MUC4: variants seen among roughly 807,000 people sequenced by gnomAD.
The protein encoded by MUC4 is mucin 4, cell surface associated, also known as mucin-4.
Under a neutral mutation model 257.9 loss-of-function variants are expected in MUC4, and 202 were observed. The observed-to-expected ratio is 0.78, with a 90% CI of 0.70 to 0.88. The LOEUF (loss-of-function observed/expected upper bound fraction) is 0.88. Among genes scored for constraint, MUC4 ranks in the 40% least tolerant of loss-of-function variants. The pLI is 0.00. For synonymous variants in MUC4, 2,351 were observed against 2,757.1 expected (o/e 0.85, Z 4.62); for missense variants, 5,976 against 6,513.7 (o/e 0.92, Z 2.84).
At chr3:195,778,084 A>G (rs1725403478) in intron 3 of MUC4, among the ~76,000 whole-genome samples, 1 of 152,204 alleles carries the variant, frequency 6.6e-6, no homozygotes, top group Non-Finnish European at 1.5e-5. Context: ...CCGTCCATCT[A>G]TCCCTTGCTG....
At chr3:195,748,669 C>T (rs1395771391) in intron 24 of MUC4, among the ~76,000 whole-genome samples, 3 of 152,290 alleles carry the variant, frequency 2.0e-5, no homozygotes, top group African/African-American at 7.2e-5. Context: ...GCAGTTTTCT[C>T]ATCTTCGAAA....
chr3:195,801,871 C>T (rs1443960195), intron 1 of MUC4, among the ~76,000 whole-genome samples: 3 of 152,066 alleles, frequency 2.0e-5, no homozygotes, highest in African/African-American at 7.2e-5. Flanking sequence ...GCCTCACCCT[C>T]ATTGAAGCTG....
intron 3 of MUC4, among the ~76,000 whole-genome samples, chr3:195,777,628 A>G (rs1454909036): frequency 4.6e-4 from 37 of 79,978 alleles, no homozygotes; most frequent in South Asian, 8.1e-4. Context: ...TACCTTCCAC[A>G]CCCATACCTT....
rs565407288 is a variant in MUC4, at chr3:195,789,670, C to G, written c.1910G>C (p.Arg637Thr). The G allele has an allele frequency of 3.2e-5, 51 of 1,613,796 alleles. 1 individual carries two copies. Among genetic ancestry groups the G allele is most frequent in the Non-Finnish European group, 2.7e-5 (32 of 1,179,882 alleles). The change falls in exon 2 of 25, where the codon AGG becomes ACG. Residue 637 changes from arginine (R) to threonine (T), a missense_variant. Arg to Thr is a moderately conservative substitution (Grantham distance 71). Coordinates refer to ENST00000463781, the MANE Select transcript of MUC4 (RefSeq NM_018406.7). ...SPQESPAVSQ[R>T]GHTQAPQTTQ... ...GGTCTGCGGGGCTTGAGTGTGACCCCTTTGGGAAACAGCTGGTGATTCCTG... is the reference window on the plus strand; with the variant it reads ...GGTCTGCGGGGCTTGAGTGTGACCCGTTTGGGAAACAGCTGGTGATTCCTG...
intron 1 of MUC4, among the ~76,000 whole-genome samples, chr3:195,800,233 G>A (rs1044318566): frequency 1.1e-4 from 17 of 151,938 alleles, no homozygotes; most frequent in East Asian, 3.9e-4. Flanking sequence ...AGCCGAGATC[G>A]CGCCACTGCA....
intron 1 of MUC4, among the ~76,000 whole-genome samples, chr3:195,795,784 G>T (rs1734494375): frequency 7.2e-6 from 1 of 138,810 alleles, no homozygotes; most frequent in Non-Finnish European, 1.5e-5. Flanking sequence ...TGGAATAAAT[G>T]AAGCCAAAGA....
At chr3:195,753,017 T>C (rs763986442) in intron 20 of MUC4, 34 bp downstream of exon 20, 1 of 1,581,498 alleles carries the variant, frequency 6.3e-7, no homozygotes. Context: ...CCAGGAAGAG[T>C]GCGGGGGTGA....
chr3:195,787,768 G>A lies in MUC4; in HGVS notation c.3812C>T (p.Ser1271Phe). The A allele has an allele frequency of 1.6e-6, 1 of 616,376 alleles. No individual in the cohort carries two copies. Among genetic ancestry groups the A allele is most frequent in the South Asian group, 1.9e-5 (1 of 52,422 alleles). 38.2% of individuals were successfully genotyped at this position (616,376 alleles called of 1,614,324 possible). The change falls in exon 2 of 25, where the codon TCC becomes TTC. Residue 1271 changes from serine (S) to phenylalanine (F), a missense_variant. Ser to Phe is a radical substitution (Grantham distance 155). This residue lies in a region of MUC4 where 19 missense variants were observed against 57.2 expected (regional missense o/e 0.33). Transcript: ENST00000463781. ...QATSLLVTDT[S>F]SVSTGDTTPL... is the part of the protein sequence containing the mutation. The stretch of plus-strand genomic sequence containing the variant: ...CGTGGTGTCACCTGTGGATACTGAG[G>A]AAGTGTCGGTGACAAGAAGAGAGGT...
intron 7 of MUC4, among the ~76,000 whole-genome samples, chr3:195,767,423 C>T (rs1404835266): frequency 6.7e-6 from 1 of 149,068 alleles, no homozygotes; most frequent in Admixed American, 6.7e-5. Context: ...ACCACCAACA[C>T]TACCATCACC....
rs1378660456 is a variant in MUC4, at chr3:195,789,007, G to A, written c.2573C>T (p.Pro858Leu). Residue 858 changes from proline (P) to leucine (L), a missense_variant, in exon 2 of 25, where the codon CCA becomes CTA. By Grantham distance (98) the Pro-to-Leu change is moderately conservative. This residue lies in a region of MUC4 where 1,583 missense variants were observed against 1,257.4 expected (regional missense o/e 1.26). Transcript: ENST00000463781. ...CGAAGACGCCATTCCTGTGCTTACT[G>A]GGATGGCACCATGACTGGCTGAGGC... ...LSASASHGAIPVSTGMASSIV... is the reference protein window; with the variant it reads ...LSASASHGAILVSTGMASSIV... 1 of 1,613,742 alleles carries A rather than the reference G, an allele frequency of 6.2e-7. No homozygotes were observed. The highest frequency in any genetic ancestry group is 1.3e-5 in the African/African-American group (1 of 74,884).
chr3:195,784,574 GCGTGGTGTCACCTGTGGATGCTGAGGAAA>G lies in MUC4; in HGVS notation c.6977_7005del (p.Leu2326ProfsTer6), dbSNP rs1730407276. 1 of 1,472,606 alleles carries G rather than the reference GCGTGGTGTCACCTGTGGATGCTGAGGAAA, an allele frequency of 6.8e-7. No homozygotes were observed. The highest frequency in any genetic ancestry group is 1.6e-5 in the African/African-American group (1 of 64,386). 91.2% of individuals were successfully genotyped at this position (1,472,606 alleles called of 1,614,324 possible). A position where few individuals can be genotyped will look rare whatever the true frequency, so the allele number is the denominator to read the frequency against. ...GAGGAAGGGCTAGTGACAGGAAGAG[GCGTGGTGTCACCTGTGGATGCTGAGGAAA>G]GGCTGGTGACAGGAAGAGGGGTGGC... On this transcript the variant is annotated frameshift_variant, in exon 2 of 25. Coordinates refer to ENST00000463781, the MANE Select transcript of MUC4 (RefSeq NM_018406.7). LOFTEE classifies it high-confidence loss of function.
chr3:195,793,368 G>C (rs1325352673), intron 1 of MUC4, among the ~76,000 whole-genome samples: 1 of 151,956 alleles, frequency 6.6e-6, no homozygotes, highest in African/African-American at 2.4e-5. Context: ...TGGGCGTGGT[G>C]GTGGGTGCCT....
chr3:195,778,500 A>G (rs757091516), intron 2 of MUC4, 45 bp from the exon 3 acceptor site: 2 of 1,598,386 alleles, frequency 1.3e-6, no homozygotes, highest in South Asian at 1.1e-5. Context: ...TACAGTAACA[A>G]AACAGGAGAG....
Position 195,761,055 on chromosome 3 carries a change from G to T in MUC4, c.14677C>A (p.Pro4893Thr). 3.7e-6 allele frequency: 6 copies of T among 1,614,132 alleles called. No homozygotes were observed. In the South Asian group the frequency reaches 5.5e-5, roughly 15 times the overall value. ...TTTTGCAGTTGTGAGTAGAAAACAG[G>T]GGTGAAGTTGGAAGGCAGCTGGTCA... ...RNDQLPSNFT[P>T]VFYSQLQKNS... The change falls in exon 16 of 25, where the codon CCT (proline) becomes ACT (threonine). Residue 4893 changes from proline to threonine, a missense_variant. Coordinates refer to ENST00000463781, the MANE Select transcript of MUC4 (RefSeq NM_018406.7).
In MUC4 at chr3:195,762,838, G is replaced by A. The variant is rs1008691971; in HGVS notation, c.14344+17C>T. 10 of 1,531,270 alleles carry A rather than the reference G, an allele frequency of 6.5e-6. No individual in the cohort carries two copies. The Admixed American group carries it at 9.8e-5, about 15-fold the overall frequency. The allele number at this position is 1,531,270 out of a possible 1,614,324, so 94.9% of individuals were successfully genotyped here. A position where few individuals can be genotyped will look rare whatever the true frequency, so the allele number is the denominator to read the frequency against. ...CTCCCGGTGCGGGGAGGGGGCGGCCGGCGCTCCCCAACCTACCTCCGCCGT... is the reference window on the plus strand; with the variant it reads ...CTCCCGGTGCGGGGAGGGGGCGGCCAGCGCTCCCCAACCTACCTCCGCCGT... On this transcript the variant is annotated intron_variant, in intron 13 of 24. Coordinates refer to ENST00000463781, the MANE Select transcript of MUC4 (RefSeq NM_018406.7).
intron 1 of MUC4, among the ~76,000 whole-genome samples, chr3:195,803,713 C>T (rs764719135): frequency 6.6e-6 from 1 of 152,188 alleles, no homozygotes; most frequent in African/African-American, 2.4e-5. Context: ...TTGAAGAGAC[C>T]GAGTGATATT....
intron 18 of MUC4, among the ~76,000 whole-genome samples, 193 bp downstream of exon 18, chr3:195,756,954 C>T (rs568121067): frequency 3.9e-5 from 6 of 152,290 alleles, no homozygotes; most frequent in African/African-American, 1.2e-4. Context: ...AGCCACTGCA[C>T]CCGGCCAGAA....
chr3:195,807,449 C>T (rs939475087), intron 1 of MUC4, among the ~76,000 whole-genome samples: 5 of 152,016 alleles, frequency 3.3e-5, no homozygotes, highest in Non-Finnish European at 7.4e-5. Flanking sequence ...GCCTGGGGGA[C>T]AGAGAGAAAC....
Position 195,789,068 on chromosome 3 carries a change from T to A in MUC4, c.2512A>T (p.Ser838Cys), listed in dbSNP as rs774753195. The A allele has an allele frequency of 1.9e-6, 3 of 1,613,456 alleles. No individual in the cohort carries two copies. Among genetic ancestry groups the A allele is most frequent in the Admixed American group, 1.7e-5 (1 of 59,980 alleles). Residue 838 changes from serine (S) to cysteine (C), a missense_variant, in exon 2 of 25, where the codon AGT becomes TGT. By Grantham distance (112) the Ser-to-Cys change is moderately radical (BLOSUM62 -1). Coordinates refer to ENST00000463781, the MANE Select transcript of MUC4 (RefSeq NM_018406.7). ...TCGGTTGTTGACTGGGTTGTGTGAC[T>A]GTCCCTGGAGGGGTTTGATGAAAAC... ...TRFSSNPSRD[S>C]HTTQSTTELL...
Sources: gnomAD v4.1 joint callset for allele counts (sites outside exome capture counted in the v4.1 genomes callset) on GRCh38, gnomAD v4.1.1 for gene constraint, gnomAD v4.1.1 regional missense constraint, MANE v1.5 for transcripts, NCBI Gene and HGNC (gene_info 2026-07-23, HGNC 2026-07-21) for gene names.